Variants in RASGRF2 observed in about 807,000 individuals in gnomAD.
RASGRF2 encodes ras-specific guanine nucleotide-releasing factor 2.
RASGRF2 carries 76 observed loss-of-function variants against 151.0 expected under a neutral mutation model. That is an observed-to-expected ratio of 0.50 (90% CI 0.42 to 0.61). The LOEUF is 0.61. Among genes scored for constraint, RASGRF2 ranks in the 20% least tolerant of loss-of-function variants. The pLI is 0.00. For missense variants in RASGRF2, 1,148 were observed against 1,564.6 expected (o/e 0.73, Z 4.49); for synonymous variants, 504 against 566.5 (o/e 0.89, Z 1.57).
At chr5:81,016,621 A>G (rs1317244670) in intron 1 of RASGRF2, among the ~76,000 whole-genome samples, 1 of 152,196 alleles carries the variant, frequency 6.6e-6, no homozygotes, top group Non-Finnish European at 1.5e-5. Context: ...TCTAAGTGGA[A>G]TTCTTGCCTA....
At chr5:81,108,834 CTGTGTGTGTGTGTGTGTGTGTGTGTGTG>C (rs10606038) in intron 12 of RASGRF2, among the ~76,000 whole-genome samples, 134 bp from the exon 13 acceptor site, 1 of 139,802 alleles carries the variant, frequency 7.2e-6, no homozygotes, top group South Asian at 2.5e-4. Context: ...TTTACCTACT[CTGTGTGTGTGTGTGTGTGTGTGTGTGTG>C]TGTGTGTGTG....
Position 80,963,838 on chromosome 5 carries a change from G to A in RASGRF2, c.288+2812G>A, listed in dbSNP as rs1747639593. ...GTTGATGTAATTATTGCTATAAACT[G>A]CCTCTAAGCATTCTTGGGAGCTTAA... On this transcript the variant is annotated intron_variant, in intron 1 of 26. Coordinates refer to ENST00000265080, the MANE Select transcript of RASGRF2 (RefSeq NM_006909.3). 2.0e-5 allele frequency among the ~76,000 whole-genome samples: 3 copies of A among 152,128 alleles called. No individual in the cohort carries two copies. The South Asian group carries it at 6.2e-4, about 31-fold the overall frequency.
chr5:81,018,004 G>A (rs946723339), intron 1 of RASGRF2, among the ~76,000 whole-genome samples: 1 of 152,178 alleles, frequency 6.6e-6, no homozygotes, highest in Non-Finnish European at 1.5e-5. Flanking sequence ...AGCTACTTGC[G>A]AGGCTGAGGT....
chr5:81,021,778 G>A (rs1313474893), intron 1 of RASGRF2, among the ~76,000 whole-genome samples: 1 of 152,196 alleles, frequency 6.6e-6, no homozygotes, highest in Non-Finnish European at 1.5e-5. Context: ...AGCAGAGAAG[G>A]AGTTTAATAA....
intron 13 of RASGRF2, among the ~76,000 whole-genome samples, chr5:81,109,919 A>G (rs1209500434): frequency 2.0e-5 from 3 of 152,226 alleles, no homozygotes; most frequent in Non-Finnish European, 4.4e-5. Flanking sequence ...TAAATCCAAC[A>G]TATCTATAGT....
At chr5:81,111,311 G>A (rs1231494372) in intron 13 of RASGRF2, among the ~76,000 whole-genome samples, 2 of 152,214 alleles carry the variant, frequency 1.3e-5, no homozygotes, top group African/African-American at 2.4e-5. Context: ...AGAAGGGGAA[G>A]TGAAAGCTAC....
intron 18 of RASGRF2, among the ~76,000 whole-genome samples, chr5:81,190,255 T>C (rs951457572): frequency 6.6e-6 from 1 of 152,220 alleles, no homozygotes; most frequent in Non-Finnish European, 1.5e-5. Context: ...CCTGGACACA[T>C]AGGCTGACCC....
intron 15 of RASGRF2, 140 bp downstream of exon 15, chr5:81,114,060 G>T (rs1038043308): frequency 8.6e-7 from 1 of 1,166,968 alleles, no homozygotes; most frequent in African/African-American, 1.6e-5. Context: ...TCAATGGTTA[G>T]TTAGAAGAGA....
chr5:81,092,881 GGAGA>G lies in RASGRF2; in HGVS notation c.1476_1479del (p.Glu492AspfsTer11), dbSNP rs926717287. On this transcript the variant is annotated frameshift_variant, in exon 10 of 27. Coordinates refer to ENST00000265080, the MANE Select transcript of RASGRF2 (RefSeq NM_006909.3). LOFTEE classifies it high-confidence loss of function. ...GGGTTCGTTGTCTTTGAAAAAGGAA[GGAGA>G]GAGACAATGCTTCTTATTTACAAAA... The G allele has an allele frequency of 1.9e-6, 3 of 1,612,220 alleles. No individual in the cohort carries two copies.
Position 81,113,527 on chromosome 5 carries a change from C to T in RASGRF2, c.2088-11C>T. 1 of 1,598,022 alleles carries T rather than the reference C, an allele frequency of 6.3e-7. No homozygotes were observed. The highest frequency in any genetic ancestry group is 8.6e-7 in the Non-Finnish European group (1 of 1,167,164). On this transcript the variant is annotated splice_polypyrimidine_tract_variant and intron_variant, in intron 14 of 26. Transcript: ENST00000265080. ...CTACAATCTCTTAGCCACTTTTGCT[C>T]TCATTTTTAGGTCATTGGAATTGTT...
chr5:81,032,521 T>A (rs570355819), intron 1 of RASGRF2, among the ~76,000 whole-genome samples: 73 of 152,266 alleles, frequency 4.8e-4, no homozygotes, highest in Middle Eastern at 3.4e-3. Flanking sequence ...TAATCCAGCA[T>A]ATAAACAGAA....
chr5:81,133,390 C>T (rs913842449), intron 17 of RASGRF2, among the ~76,000 whole-genome samples: 2 of 152,180 alleles, frequency 1.3e-5, no homozygotes, highest in Non-Finnish European at 2.9e-5. Context: ...GGCACCTGCT[C>T]AAATTGAAGA....
At chr5:81,155,252 A>AT (rs1217735241) in intron 17 of RASGRF2, among the ~76,000 whole-genome samples, 1 of 152,160 alleles carries the variant, frequency 6.6e-6, no homozygotes, top group Non-Finnish European at 1.5e-5. Flanking sequence ...CTCAGAAATT[A>AT]TTTTTTTACT....
chr5:80,986,550 ATT>A (rs959788624), intron 1 of RASGRF2, among the ~76,000 whole-genome samples: 6 of 152,336 alleles, frequency 3.9e-5, no homozygotes, highest in African/African-American at 1.2e-4. Flanking sequence ...GTATGGTAAA[ATT>A]TTTAGTCTCC....
intron 15 of RASGRF2, among the ~76,000 whole-genome samples, chr5:81,115,047 A>G (rs947293294): frequency 2.0e-5 from 3 of 152,228 alleles, no homozygotes; most frequent in African/African-American, 7.2e-5. Context: ...GCTTTTAAAA[A>G]ACTGTATAAG....
intron 17 of RASGRF2, among the ~76,000 whole-genome samples, chr5:81,137,704 G>C (rs1245047138): frequency 1.3e-5 from 2 of 152,224 alleles, no homozygotes; most frequent in Non-Finnish European, 2.9e-5. Flanking sequence ...CCACCTACAA[G>C]CCAAAGAGAG....
chr5:81,007,669 T>G (rs183226550), intron 1 of RASGRF2, among the ~76,000 whole-genome samples: 17 of 152,194 alleles, frequency 1.1e-4, no homozygotes, highest in South Asian at 2.1e-4. Context: ...GAAGGCTGAT[T>G]TAGGACGAGG....
rs995650466 is a variant in RASGRF2 at position 81,226,611 on chromosome 5, G to A, written c.*841G>A. The A allele has an allele frequency of 3.9e-5, 6 of 152,146 alleles. No individual in the cohort carries two copies. Among genetic ancestry groups the A allele is most frequent in the Admixed American group, 3.9e-4 (6 of 15,276 alleles). 9.4% of individuals were successfully genotyped at this position (152,146 alleles called of 1,614,324 possible). A position where few individuals can be genotyped will look rare whatever the true frequency, so the allele number is the denominator to read the frequency against. The stretch of plus-strand genomic sequence containing the variant: ...ACAGAAGGCCACCAAGTGCTGTGGG[G>A]AATCATGGGTTTCAGTGCTGAGTGA... On this transcript the variant is annotated 3_prime_UTR_variant, in exon 27 of 27. Coordinates refer to ENST00000265080, the MANE Select transcript of RASGRF2 (RefSeq NM_006909.3).
At chr5:81,100,898 G>A (rs1243861965) in intron 12 of RASGRF2, among the ~76,000 whole-genome samples, 2 of 152,160 alleles carry the variant, frequency 1.3e-5, no homozygotes, top group Non-Finnish European at 2.9e-5. Flanking sequence ...TATCAAGAAG[G>A]TGGAAAATAT....
Sources: allele counts gnomAD v4.1 joint callset (sites outside exome capture counted in the v4.1 genomes callset), GRCh38; gene constraint gnomAD v4.1.1; transcripts MANE v1.5; gene names NCBI Gene and HGNC (gene_info 2026-07-23, HGNC 2026-07-21).